The following KCNK9 variants were observed in gnomAD, a reference collection of about 807,000 sequenced individuals.
The protein encoded by KCNK9 is potassium channel subfamily K member 9.
Under a neutral mutation model 10.8 loss-of-function variants are expected in KCNK9, and 1 was observed. The ratio of observed to expected loss-of-function variants is 0.09; its 90% CI spans 0.03 to 0.44. The LOEUF is 0.44. Among genes scored for constraint, KCNK9 ranks in the 20% least tolerant of loss-of-function variants. The pLI is 0.97. For synonymous variants in KCNK9, 231 were observed against 222.7 expected (o/e 1.04, Z -0.33); for missense variants, 303 against 515.0 (o/e 0.59, Z 3.98).
intron 1 of KCNK9, among the ~76,000 whole-genome samples, chr8:139,638,664 C>T (rs1815407416): frequency 1.3e-5 from 2 of 152,222 alleles, no homozygotes; most frequent in South Asian, 2.1e-4. Flanking sequence ...ACCAGCCTCC[C>T]TGGGTGCCTC....
At chr8:139,644,367 C>A (rs1427168408) in intron 1 of KCNK9, among the ~76,000 whole-genome samples, 1 of 152,210 alleles carries the variant, frequency 6.6e-6, no homozygotes, top group East Asian at 1.9e-4. Flanking sequence ...TGATTCCATT[C>A]TGTTCTGTTT....
At chr8:139,612,717 A>C (rs966582016), downstream of KCNK9, 4 of 152,166 alleles carry the variant, frequency 2.6e-5, no homozygotes, top group African/African-American at 9.7e-5. Context: ...ATTTATCCAC[A>C]ATGAAAGCAG....
intron 1 of KCNK9, among the ~76,000 whole-genome samples, chr8:139,625,031 A>G (rs1228195414): frequency 2.0e-5 from 3 of 152,088 alleles, no homozygotes; most frequent in Non-Finnish European, 4.4e-5. Flanking sequence ...TCAGAGCACA[A>G]TGAGAATCAG....
At chr8:139,601,755 A>T (rs1817375276) in intron 2 of KCNK9, among the ~76,000 whole-genome samples, 1 of 152,210 alleles carries the variant, frequency 6.6e-6, no homozygotes, top group Non-Finnish European at 1.5e-5. Flanking sequence ...CCTGCTCCTG[A>T]TGTAAGATTT....
At chr8:139,686,423 A>G (rs9693845) in intron 1 of KCNK9, among the ~76,000 whole-genome samples, 82,595 of 152,040 alleles carry the variant, frequency 0.54, 22,714 homozygotes, top group Admixed American at 0.59. Flanking sequence ...ACAAGAAAAA[A>G]ACAAACAAAC....
At position 139,628,953 on chromosome 8, in the gene KCNK9, G is replaced by A. The variant is rs139426846; in HGVS notation, c.284-9854C>T. On this transcript the variant is annotated intron_variant, in intron 1 of 1. Transcript: ENST00000520439. ...CAGGGTTGCACTGGGTGGACATCTCGTCCCTGGTTGACCCATGGTTATCAC... is the reference window on the plus strand; with the variant it reads ...CAGGGTTGCACTGGGTGGACATCTCATCCCTGGTTGACCCATGGTTATCAC... 4.1e-3 allele frequency among the ~76,000 whole-genome samples: 629 copies of A among 152,256 alleles called. 4 individuals are homozygous for A. The highest frequency in any genetic ancestry group is 0.014 in the African/African-American group (580 of 41,552).
At chr8:139,604,064 C>T (rs1036890992) in intron 2 of KCNK9, among the ~76,000 whole-genome samples, 4 of 152,264 alleles carry the variant, frequency 2.6e-5, no homozygotes, top group Middle Eastern at 3.4e-3. Flanking sequence ...CCTTCAGGGC[C>T]AGTGCAGGCC....
intron 1 of KCNK9, among the ~76,000 whole-genome samples, chr8:139,664,125 C>A (rs183401302): frequency 2.0e-5 from 3 of 152,334 alleles, no homozygotes; most frequent in Admixed American, 2.0e-4. Flanking sequence ...TGAACCCAGA[C>A]AGGACAGACT....
At chr8:139,608,240 C>T (rs973169679), downstream of KCNK9, among the ~76,000 whole-genome samples, 5 of 152,148 alleles carry the variant, frequency 3.3e-5, no homozygotes, top group African/African-American at 1.2e-4. Flanking sequence ...GCCTCCCCAC[C>T]GACTCCAGAT....
At chr8:139,602,585 A>C (rs1041358679) in intron 2 of KCNK9, among the ~76,000 whole-genome samples, 2 of 152,192 alleles carry the variant, frequency 1.3e-5, no homozygotes, top group African/African-American at 2.4e-5. Flanking sequence ...GATGATAGGA[A>C]CTGCTTAGCA....
At chr8:139,668,571 G>A (rs1035552053) in intron 1 of KCNK9, among the ~76,000 whole-genome samples, 7 of 152,128 alleles carry the variant, frequency 4.6e-5, no homozygotes, top group East Asian at 3.9e-4. Flanking sequence ...ACAGGTGTGC[G>A]CCACCACGTC....
downstream of KCNK9, among the ~76,000 whole-genome samples, chr8:139,610,096 G>A (rs1814373471): frequency 6.6e-6 from 1 of 152,062 alleles, no homozygotes; most frequent in African/African-American, 2.4e-5. Flanking sequence ...CCACCACCCA[G>A]AGGCCTCATT....
Position 139,663,487 on chromosome 8 carries a change from C to G in KCNK9, c.283+39223G>C, listed in dbSNP as rs151305432. On this transcript the variant is annotated intron_variant, in intron 1 of 1. Coordinates refer to ENST00000520439, the MANE Select transcript of KCNK9 (RefSeq NM_001282534.2). ...GCGAAAGACAGTGAGGCGAGAGTGA[C>G]ACTTGGTGATGACAGCATTGCTTCC... 9.3e-3 allele frequency among the ~76,000 whole-genome samples: 1,415 copies of G among 152,044 alleles called. 11 individuals carry two copies. Among genetic ancestry groups the G allele is most frequent in the Middle Eastern group, 0.031 (9 of 294 alleles).
At chr8:139,679,206 T>C (rs3780035) in intron 1 of KCNK9, among the ~76,000 whole-genome samples, 10,062 of 152,244 alleles carry the variant, frequency 0.066, 395 homozygotes, top group East Asian at 0.18. Flanking sequence ...TGACAGCCTA[T>C]GGAAGTGATG....
intron 1 of KCNK9, among the ~76,000 whole-genome samples, chr8:139,624,807 C>T (rs553624650): frequency 1.2e-4 from 18 of 152,350 alleles, no homozygotes; most frequent in Non-Finnish European, 2.1e-4. Flanking sequence ...CGGTGATGCC[C>T]AACTCGACAG....
At chr8:139,692,153 T>G (rs73360075) in intron 1 of KCNK9, among the ~76,000 whole-genome samples, 7,507 of 152,254 alleles carry the variant, frequency 0.049, 551 homozygotes, top group African/African-American at 0.16. Flanking sequence ...AAGAACCTGC[T>G]CTCTCAAGGC....
intron 1 of KCNK9, among the ~76,000 whole-genome samples, chr8:139,689,017 C>T (rs1816879529): frequency 6.6e-6 from 1 of 152,048 alleles, no homozygotes. Flanking sequence ...TCGTGTGAGC[C>T]CTAATCCAAT....
chr8:139,638,365 T>C (rs1372363139), intron 1 of KCNK9, among the ~76,000 whole-genome samples: 1 of 152,110 alleles, frequency 6.6e-6, no homozygotes, highest in African/African-American at 2.4e-5. Context: ...CAGCAAAGGA[T>C]CTGGCACCCA....
At chr8:139,688,375 C>A (rs1332929688) in intron 1 of KCNK9, among the ~76,000 whole-genome samples, 2 of 152,148 alleles carry the variant, frequency 1.3e-5, no homozygotes, top group Non-Finnish European at 2.9e-5. Context: ...AGAAAACTTA[C>A]AATCGTGGTG....
Sources: allele counts gnomAD v4.1 joint callset (sites outside exome capture counted in the v4.1 genomes callset), GRCh38; gene constraint gnomAD v4.1.1; transcripts MANE v1.5; gene names NCBI Gene and HGNC (gene_info 2026-07-23, HGNC 2026-07-21).